Variants in GPHN observed in about 807,000 individuals in gnomAD.
GPHN encodes gephyrin.
In GPHN, 17 loss-of-function variants were observed where a neutral mutation model predicts 95.5. That is an observed-to-expected ratio of 0.18 (90% confidence interval 0.12 to 0.27). The LOEUF (loss-of-function observed/expected upper bound fraction) is 0.27, where lower values mean the gene tolerates loss of function less well. Among genes scored for constraint, GPHN ranks in the 10% least tolerant of loss-of-function variants. GPHN has a pLI of 1.00. For missense variants in GPHN, 660 were observed against 978.1 expected (o/e 0.67, Z 4.34); for synonymous variants, 320 against 322.5 (o/e 0.99, Z 0.08).
chr14:67,693,589 G>A, the GPHN span, among the ~76,000 whole-genome samples: 2 of 150,870 alleles, frequency 1.3e-5, no homozygotes, highest in African/African-American at 4.9e-5. Flanking sequence ...TGTACAAAGG[G>A]GAGCTGGGAT....
the GPHN span, among the ~76,000 whole-genome samples, chr14:67,502,931 G>A: frequency 4.6e-5 from 7 of 152,110 alleles, no homozygotes; most frequent in Non-Finnish European, 1.0e-4. Flanking sequence ...TTAAAAATTA[G>A]TGGAGACAAT....
chr14:67,646,721 CGTG>C, the GPHN span: 1 of 1,612,774 alleles, frequency 6.2e-7, no homozygotes, highest in African/African-American at 1.3e-5. Flanking sequence ...GTCTGAGAGA[CGTG>C]GACCCTCCTG....
chr14:67,382,397 G>T, the GPHN span: 3 of 1,520,496 alleles, frequency 2.0e-6, no homozygotes, highest in African/African-American at 1.4e-5. Context: ...CCTAATAGTT[G>T]TGGGTTCTGT....
At chr14:66,853,570 T>C (rs1423334147) in intron 4 of GPHN, among the ~76,000 whole-genome samples, 1 of 152,102 alleles carries the variant, frequency 6.6e-6, no homozygotes, top group Non-Finnish European at 1.5e-5. Context: ...GCAGGGGAAC[T>C]CCCATTTATA....
chr14:67,093,180 G>C (rs1320580660), intron 12 of GPHN, among the ~76,000 whole-genome samples: 1 of 152,032 alleles, frequency 6.6e-6, no homozygotes, highest in East Asian at 1.9e-4. Context: ...TGGGTAGAGA[G>C]AATTTAAAAA....
intron 1 of GPHN, among the ~76,000 whole-genome samples, chr14:66,597,686 C>G (rs957174597): frequency 2.0e-5 from 3 of 152,136 alleles, no homozygotes; most frequent in Non-Finnish European, 4.4e-5. Flanking sequence ...GGCTCCTGCC[C>G]CTTCAACTTG....
Position 67,159,435 on chromosome 14 carries a change from G to C in GPHN, c.1857G>C (p.Leu619=), listed in dbSNP as rs976474723. 6.2e-6 allele frequency: 10 copies of C among 1,604,710 alleles called. No individual in the cohort carries two copies. In the African/African-American group the frequency reaches 1.2e-4, roughly 19 times the overall value. The change falls in exon 19 of 23, where the codon CTG becomes CTC. Residue 619 remains leucine (L), a synonymous_variant. Coordinates refer to ENST00000478722, the MANE Select transcript of GPHN (RefSeq NM_020806.5). ...TGCAGGACTATCTCAAGCAGGTGCT[G>C]GACATTGATCTTCATGCTCAGATCC... ...MGEKDYLKQV[L]DIDLHAQIHF... is the part of the protein sequence containing the mutation.
chr14:66,516,173 A>ATTTTTTTTT, intron 1 of GPHN, among the ~76,000 whole-genome samples: 1 of 138,940 alleles, frequency 7.2e-6, no homozygotes. Context: ...TGCCTGGCTA[A>ATTTTTTTTT]TTTTTTTTTT....
the GPHN span, chr14:67,569,678 T>C: frequency 3.6e-6 from 2 of 552,084 alleles, no homozygotes. Context: ...GCAAGCCTCA[T>C]GGAGGAAAAA....
the GPHN span, among the ~76,000 whole-genome samples, chr14:67,638,237 A>G: frequency 6.6e-6 from 1 of 152,094 alleles, no homozygotes; most frequent in South Asian, 2.1e-4. Flanking sequence ...TTATGCCTAT[A>G]ACTAGCCCAG....
At chr14:67,515,486 G>C in the GPHN span, 1 of 158,140 alleles carries the variant, frequency 6.3e-6, no homozygotes, top group East Asian at 1.9e-4. Flanking sequence ...GCTCGCGTCT[G>C]ACAGGCGCTC....
chr14:67,050,715 G>A (rs534442266), intron 10 of GPHN, among the ~76,000 whole-genome samples: 1 of 152,126 alleles, frequency 6.6e-6, no homozygotes, highest in Non-Finnish European at 1.5e-5. Context: ...AGCTACGGTT[G>A]GAGGCTCCCA....
At chr14:67,577,900 C>T in the GPHN span, 1 of 812,244 alleles carries the variant, frequency 1.2e-6, no homozygotes, top group Non-Finnish European at 2.0e-6. Flanking sequence ...GCAGTGCTCC[C>T]TCTTAGAAAG....
At chr14:66,936,062 C>T (rs570092488) in intron 8 of GPHN, among the ~76,000 whole-genome samples, 12 of 152,044 alleles carry the variant, frequency 7.9e-5, no homozygotes, top group Non-Finnish European at 1.0e-4. Context: ...AGGTGACAAA[C>T]TAATTATAAA....
chr14:67,627,512 C>T, the GPHN span, among the ~76,000 whole-genome samples: 9 of 152,030 alleles, frequency 5.9e-5, no homozygotes, highest in African/African-American at 2.2e-4. Context: ...GCCTTTTGAA[C>T]AGTGTCATAT....
chr14:67,392,683 G>C, the GPHN span: 160 of 1,614,072 alleles, frequency 9.9e-5, no homozygotes, highest in African/African-American at 2.0e-3. Context: ...GGGCTGTGGA[G>C]TCATCCAGGA....
chr14:67,170,900 A>G lies in GPHN; in HGVS notation c.2079+1864A>G, dbSNP rs148830639. Among the ~76,000 whole-genome samples the G allele has an allele frequency of 5.3e-3, 802 of 152,370 alleles. 1 individual carries two copies. Among genetic ancestry groups the G allele is most frequent in the African/African-American group, 0.018 (752 of 41,592 alleles). On this transcript the variant is annotated intron_variant, in intron 21 of 22. Transcript: ENST00000478722. ...TCTGACCATAAAAGATGCAGCTTACACACACCACTTATTACTGTTCTTCAG... is the reference window on the plus strand; with the variant it reads ...TCTGACCATAAAAGATGCAGCTTACGCACACCACTTATTACTGTTCTTCAG...
the GPHN span, among the ~76,000 whole-genome samples, chr14:67,619,585 C>G: frequency 1.3e-5 from 2 of 152,270 alleles, no homozygotes; most frequent in African/African-American, 2.4e-5. Flanking sequence ...GGTGTCGGCT[C>G]CTGCGTTCCG....
At chr14:66,914,778 G>A (rs1233912893) in intron 5 of GPHN, among the ~76,000 whole-genome samples, 1 of 151,940 alleles carries the variant, frequency 6.6e-6, no homozygotes, top group African/African-American at 2.4e-5. Context: ...TAATCAATTA[G>A]CTATCATATT....
Sources: allele counts gnomAD v4.1 joint callset (sites outside exome capture counted in the v4.1 genomes callset), GRCh38; gene constraint gnomAD v4.1.1; transcripts MANE v1.5; gene names NCBI Gene and HGNC (gene_info 2026-07-23, HGNC 2026-07-21).